The following RYR2 variants were observed in gnomAD, a reference collection of about 807,000 sequenced individuals.
RYR2 encodes the protein ryanodine receptor 2.
A neutral mutation model predicts 601.1 loss-of-function variants in RYR2; 227 were observed. That is an observed-to-expected ratio of 0.38 (90% CI 0.34 to 0.42). RYR2 has a LOEUF of 0.42. RYR2 is among the 10% of genes least tolerant of loss of function. RYR2 has a pLI of 1.00. For missense variants in RYR2, 4,646 were observed against 6,156.5 expected, an observed-to-expected ratio of 0.75 and a Z score of 8.21; for synonymous variants, 2,223 against 2,175.1, an observed-to-expected ratio of 1.02 and a Z score of -0.61.
At chr1:237,095,116 C>A (rs1053246491) in intron 1 of RYR2, among the ~76,000 whole-genome samples, 1 of 152,194 alleles carries the variant, frequency 6.6e-6, no homozygotes, top group African/African-American at 2.4e-5. Context: ...TAAGACCATA[C>A]ATATGGTGAG....
chr1:237,579,184 T>C (rs1433000397), intron 29 of RYR2, among the ~76,000 whole-genome samples: 1 of 151,736 alleles, frequency 6.6e-6, no homozygotes, highest in Non-Finnish European at 1.5e-5. Flanking sequence ...AATAATAAAT[T>C]GTACTTTTTC....
intron 1 of RYR2, among the ~76,000 whole-genome samples, chr1:237,074,516 T>G (rs1474872609): frequency 6.6e-6 from 1 of 152,206 alleles, no homozygotes; most frequent in Non-Finnish European, 1.5e-5. Flanking sequence ...TGATGTCATC[T>G]GCATCCCTCC....
chr1:237,160,266 G>A (rs1572052526), intron 1 of RYR2, among the ~76,000 whole-genome samples: 1 of 152,244 alleles, frequency 6.6e-6, no homozygotes, highest in East Asian at 1.9e-4. Context: ...GATCTCATTT[G>A]GAAACAATGG....
rs1669277118 is a variant in RYR2, at chr1:237,541,687, G to T, written c.2907-6744G>T. ...TCCGAAAAGAGAGTCAGCGAAGGGA[G>T]ATAAGGGTGGTGCCATTTTATAGGA... On this transcript the variant is annotated intron_variant, in intron 25 of 104. Coordinates refer to ENST00000366574, the MANE Select transcript of RYR2 (RefSeq NM_001035.3). Among the ~76,000 whole-genome samples, 5 of 152,186 alleles carry T rather than the reference G, an allele frequency of 3.3e-5. No individual in the cohort carries two copies. The South Asian group carries it at 1.0e-3, about 32-fold the overall frequency.
chr1:237,770,932 A>G (rs372146197), intron 85 of RYR2, 45 bp downstream of exon 85: 13 of 1,220,298 alleles, frequency 1.1e-5, no homozygotes, highest in African/African-American at 1.5e-5. Context: ...GGCATAAATA[A>G]TGTTTTCAAG....
chr1:237,134,890 C>A (rs1046038691), intron 1 of RYR2, among the ~76,000 whole-genome samples: 5 of 152,116 alleles, frequency 3.3e-5, no homozygotes, highest in Non-Finnish European at 5.9e-5. Context: ...AAGTAAGTGG[C>A]AGGGCTGTGA....
chr1:237,425,328 T>C (rs1196106147), intron 12 of RYR2, among the ~76,000 whole-genome samples: 2 of 152,148 alleles, frequency 1.3e-5, no homozygotes, highest in Admixed American at 6.5e-5. Flanking sequence ...CCCTCCCCCA[T>C]GCAATTGAAA....
At chr1:237,202,619 G>A (rs1462680192) in intron 1 of RYR2, among the ~76,000 whole-genome samples, 1 of 152,142 alleles carries the variant, frequency 6.6e-6, no homozygotes, top group African/African-American at 2.4e-5. Flanking sequence ...TGTTGGCTAG[G>A]CTGGTCTTGA....
chr1:237,120,305 A>G (rs1251856302), intron 1 of RYR2, among the ~76,000 whole-genome samples: 2 of 152,212 alleles, frequency 1.3e-5, no homozygotes, highest in East Asian at 3.8e-4. Flanking sequence ...ATTGTACTTT[A>G]GGAATTATAG....
In RYR2 at chr1:237,493,065, C is replaced by A; in HGVS notation, c.1939C>A (p.Arg647Ser). 3.1e-6 allele frequency: 5 copies of A among 1,613,638 alleles called. No homozygotes were observed. Among genetic ancestry groups the A allele is most frequent in the Non-Finnish European group, 4.2e-6 (5 of 1,179,772 alleles). The change falls in exon 19 of 105, where the codon CGT becomes AGT. Residue 647 changes from arginine (R) to serine (S), a missense_variant. Coordinates refer to ENST00000366574, the MANE Select transcript of RYR2 (RefSeq NM_001035.3). ...LPGRDLLLQT[R>S]LVNHVSSMRP... ...AGGAAGAGACTTGTTATTGCAGACA[C>A]GTCTTGTGAACCATGTCAGCAGGTA...
intron 3 of RYR2, among the ~76,000 whole-genome samples, chr1:237,341,236 A>G (rs927318945): frequency 1.3e-5 from 2 of 152,236 alleles, no homozygotes; most frequent in South Asian, 4.1e-4. Flanking sequence ...TTGTAAACAT[A>G]TGATAGCAAA....
chr1:237,360,219 A>AT (rs1368257147), intron 4 of RYR2, among the ~76,000 whole-genome samples: 2 of 152,148 alleles, frequency 1.3e-5, no homozygotes, highest in South Asian at 2.1e-4. Context: ...GACATGGGCA[A>AT]TTTTTTATGT....
intron 5 of RYR2, among the ~76,000 whole-genome samples, chr1:237,365,038 A>G (rs1700079234): frequency 6.6e-6 from 1 of 152,226 alleles, no homozygotes; most frequent in Non-Finnish European, 1.5e-5. Flanking sequence ...CAGGAAGAGT[A>G]GACTATGGTT....
At chr1:237,151,773 G>T (rs1026692697) in intron 1 of RYR2, among the ~76,000 whole-genome samples, 1 of 152,204 alleles carries the variant, frequency 6.6e-6, no homozygotes, top group African/African-American at 2.4e-5. Flanking sequence ...GGTGGGCCAA[G>T]GACAGAGTCA....
intron 15 of RYR2, among the ~76,000 whole-genome samples, chr1:237,455,564 G>A (rs1312437034): frequency 6.6e-6 from 1 of 151,972 alleles, no homozygotes; most frequent in Non-Finnish European, 1.5e-5. Flanking sequence ...AACCCCCAAA[G>A]CCTAAAATAA....
At chr1:237,208,983 T>C (rs1356353282) in intron 1 of RYR2, among the ~76,000 whole-genome samples, 1 of 125,458 alleles carries the variant, frequency 8.0e-6, no homozygotes, top group Non-Finnish European at 1.6e-5. Flanking sequence ...TATATATATA[T>C]ATGTATACTG....
chr1:237,058,152 A>G (rs527729618), intron 1 of RYR2, among the ~76,000 whole-genome samples: 5 of 152,254 alleles, frequency 3.3e-5, no homozygotes, highest in African/African-American at 1.2e-4. Flanking sequence ...TAGGGCTTAT[A>G]TAGGTAATTA....
In RYR2 at chr1:237,811,536, T is replaced by TA. The variant is rs199565020; in HGVS notation, c.14433+2509dup. Reference sequence around the variant, plus strand: ...GTTCTCTTCCCAACTTTCTTTTTAATAAAAAAAATCTTAAGAATAAATAAC... The same window carrying TA: ...GTTCTCTTCCCAACTTTCTTTTTAATAAAAAAAAATCTTAAGAATAAATAAC... On this transcript the variant is annotated intron_variant, in intron 100 of 104. Transcript: ENST00000366574. 1.1e-3 allele frequency among the ~76,000 whole-genome samples: 165 copies of TA among 152,114 alleles called. 1 individual carries two copies. Among genetic ancestry groups the TA allele is most frequent in the East Asian group, 3.3e-3 (17 of 5,180 alleles).
At chr1:237,572,951 C>G (rs376253571) in intron 29 of RYR2, among the ~76,000 whole-genome samples, 3 of 152,190 alleles carry the variant, frequency 2.0e-5, no homozygotes, top group African/African-American at 7.2e-5. Flanking sequence ...AGCTAGAGCT[C>G]AAAGGATCCA....
Sources: gnomAD v4.1 joint callset for allele counts (sites outside exome capture counted in the v4.1 genomes callset) on GRCh38, gnomAD v4.1.1 for gene constraint, MANE v1.5 for transcripts, NCBI Gene and HGNC (gene_info 2026-07-23, HGNC 2026-07-21) for gene names.